The following ALK variants were observed in gnomAD, a reference collection of about 807,000 sequenced individuals.
ALK encodes the protein ALK tyrosine kinase receptor.
Under a neutral mutation model 163.1 loss-of-function variants are expected in ALK, and 74 were observed. The ratio of observed to expected loss-of-function variants is 0.45; its 90% CI spans 0.38 to 0.55. The LOEUF (loss-of-function observed/expected upper bound fraction) is 0.55, where lower values mean the gene tolerates loss of function less well. Among genes scored for constraint, ALK ranks in the 20% least tolerant of loss-of-function variants. ALK has a pLI of 0.00. For synonymous variants in ALK, 960 were observed against 843.2 expected (o/e 1.14, Z -2.40); for missense variants, 2,063 against 2,105.3 (o/e 0.98, Z 0.39).
At chr2:29,349,756 G>C (rs1668060619) in intron 5 of ALK, among the ~76,000 whole-genome samples, 1 of 152,238 alleles carries the variant, frequency 6.6e-6, no homozygotes, top group Non-Finnish European at 1.5e-5. Flanking sequence ...GAAGGATGGA[G>C]ATGTGGTTTA....
chr2:29,258,671 T>A (rs2339379), intron 11 of ALK, among the ~76,000 whole-genome samples: 1 of 152,104 alleles, frequency 6.6e-6, no homozygotes, highest in Non-Finnish European at 1.5e-5. Flanking sequence ...CAATTACTAT[T>A]CTCTGAAAGC....
chr2:29,338,510 C>G (rs1280847725), intron 5 of ALK, among the ~76,000 whole-genome samples: 1 of 152,240 alleles, frequency 6.6e-6, no homozygotes, highest in African/African-American at 2.4e-5. Context: ...TCATCTTGAT[C>G]TCAACAATTC....
chr2:29,690,909 C>T (rs1156719361), intron 3 of ALK, among the ~76,000 whole-genome samples: 3 of 152,108 alleles, frequency 2.0e-5, no homozygotes, highest in African/African-American at 7.2e-5. Flanking sequence ...CTAAAGGCAA[C>T]CCATCCCCAC....
chr2:29,888,238 A>T (rs541817601), intron 1 of ALK, among the ~76,000 whole-genome samples: 127 of 76,946 alleles, frequency 1.7e-3, no homozygotes, highest in Non-Finnish European at 2.7e-3. Context: ...CACATGGTCC[A>T]ATAAATTGTT....
intron 23 of ALK, among the ~76,000 whole-genome samples, chr2:29,219,927 T>G (rs1442863673): frequency 6.6e-6 from 1 of 152,224 alleles, no homozygotes; most frequent in African/African-American, 2.4e-5. Flanking sequence ...GGTATTATTA[T>G]CCCTACTTGA....
chr2:29,193,720 G>A lies in ALK; in HGVS notation c.4367C>T (p.Pro1456Leu), dbSNP rs944804641. The part of the protein sequence containing the change: ...TTSSGKAAKK[P>L]TAAEISVRVP... Reference sequence around the variant, plus strand: ...TCGAACAGAGATCTCTGCAGCTGTGGGTTTCTTTGCAGCCTTGCCAGAGGA... The same window carrying A: ...TCGAACAGAGATCTCTGCAGCTGTGAGTTTCTTTGCAGCCTTGCCAGAGGA... The change falls in exon 29 of 29, where the codon CCC (proline) becomes CTC (leucine). Residue 1456 changes from proline to leucine, a missense_variant. Pro to Leu is a moderately conservative substitution (Grantham distance 98, BLOSUM62 -3). Transcript: ENST00000389048. 3 of 1,607,530 alleles carry A rather than the reference G, an allele frequency of 1.9e-6. No homozygotes were observed. Among genetic ancestry groups the A allele is most frequent in the Non-Finnish European group, 2.6e-6 (3 of 1,175,592 alleles).
At chr2:29,263,504 G>T (rs1665139586) in intron 11 of ALK, among the ~76,000 whole-genome samples, 1 of 152,170 alleles carries the variant, frequency 6.6e-6, no homozygotes, top group Non-Finnish European at 1.5e-5. Context: ...CTAGGTCCCA[G>T]ATCCTCTAAA....
rs79361101 is a variant in ALK at position 29,299,080 on chromosome 2, T to C, written c.1648-2023A>G. On this transcript the variant is annotated intron_variant, in intron 8 of 28. Coordinates refer to ENST00000389048, the MANE Select transcript of ALK (RefSeq NM_004304.5). ...TGTAACTGCTGCCGCTAGTTACTTG[T>C]TGCTCATTCTCTCTTTAAGTTCTTT... is the stretch of plus-strand genomic sequence containing the variant. Among the ~76,000 whole-genome samples, 1,480 of 152,366 alleles carry C rather than the reference T, an allele frequency of 9.7e-3. 25 individuals are homozygous for C. Among genetic ancestry groups the C allele is most frequent in the African/African-American group, 0.033 (1,386 of 41,584 alleles).
intron 4 of ALK, among the ~76,000 whole-genome samples, chr2:29,491,906 A>C (rs1384626656): frequency 6.6e-6 from 1 of 152,228 alleles, no homozygotes; most frequent in Non-Finnish European, 1.5e-5. Flanking sequence ...ACAGATGTCT[A>C]ATGTTCTTAA....
intron 12 of ALK, among the ~76,000 whole-genome samples, chr2:29,242,523 C>T (rs548772875): frequency 1.3e-5 from 2 of 152,258 alleles, no homozygotes; most frequent in East Asian, 1.9e-4. Flanking sequence ...TTTCTCACCC[C>T]GCTCCCCTCA....
At chr2:29,233,877 C>T (rs538161320) in intron 13 of ALK, among the ~76,000 whole-genome samples, 181 bp from the exon 14 acceptor site, 1 of 152,154 alleles carries the variant, frequency 6.6e-6, no homozygotes, top group Non-Finnish European at 1.5e-5. Flanking sequence ...GGAAGGACCA[C>T]AAGGATAGCT....
chr2:29,298,709 A>G (rs1573205206), intron 8 of ALK, among the ~76,000 whole-genome samples: 1 of 152,250 alleles, frequency 6.6e-6, no homozygotes, highest in East Asian at 1.9e-4. Flanking sequence ...AAGATCTACT[A>G]TGTCAGGAAC....
At chr2:29,359,228 T>C (rs13034578) in intron 5 of ALK, among the ~76,000 whole-genome samples, 27,009 of 152,158 alleles carry the variant, frequency 0.18, 2,995 homozygotes, top group Middle Eastern at 0.3. Context: ...CTGGGACTAG[T>C]GTCATTCCTG....
intron 4 of ALK, among the ~76,000 whole-genome samples, chr2:29,477,724 G>A (rs1170983916): frequency 6.6e-6 from 1 of 152,166 alleles, no homozygotes; most frequent in Non-Finnish European, 1.5e-5. Context: ...AGAGGGATGC[G>A]AGGGAACTGG....
chr2:29,210,092 G>T (rs1253206470), intron 24 of ALK, among the ~76,000 whole-genome samples: 5 of 152,158 alleles, frequency 3.3e-5, no homozygotes, highest in Non-Finnish European at 7.4e-5. Flanking sequence ...TAGGGGAAAT[G>T]ATTAAAAATG....
chr2:29,728,125 A>C (rs867471778), intron 1 of ALK, among the ~76,000 whole-genome samples: 1 of 152,340 alleles, frequency 6.6e-6, no homozygotes, highest in African/African-American at 2.4e-5. Flanking sequence ...TGTTTTTAAA[A>C]AAAAAATCAC....
chr2:29,898,197 C>A (rs1259352797), intron 1 of ALK, among the ~76,000 whole-genome samples: 2 of 152,218 alleles, frequency 1.3e-5, no homozygotes, highest in African/African-American at 4.8e-5. Context: ...CCATAGCAGG[C>A]CTGTCTGATT....
At chr2:29,504,074 C>T (rs1381615535) in intron 4 of ALK, among the ~76,000 whole-genome samples, 4 of 152,068 alleles carry the variant, frequency 2.6e-5, no homozygotes, top group Non-Finnish European at 5.9e-5. Flanking sequence ...GAGCTAAACA[C>T]AACACTGAGA....
chr2:29,581,433 C>T (rs961345350), intron 3 of ALK, among the ~76,000 whole-genome samples: 9 of 152,096 alleles, frequency 5.9e-5, no homozygotes, highest in African/African-American at 1.4e-4. Flanking sequence ...GAGCAGAGCC[C>T]GTGCAGAGCA....
Sources: gnomAD v4.1 joint callset for allele counts (sites outside exome capture counted in the v4.1 genomes callset) on GRCh38, gnomAD v4.1.1 for gene constraint, MANE v1.5 for transcripts, NCBI Gene and HGNC (gene_info 2026-07-23, HGNC 2026-07-21) for gene names.